LRRC4C: variants seen among roughly 807,000 people sequenced by gnomAD.
LRRC4C encodes the protein leucine-rich repeat-containing protein 4C.
Under a neutral mutation model 33.6 loss-of-function variants are expected in LRRC4C, and 5 were observed. The ratio of observed to expected loss-of-function variants is 0.15; its 90% confidence interval spans 0.08 to 0.31. The LOEUF (loss-of-function observed/expected upper bound fraction) is 0.31. Ranked by LOEUF, LRRC4C falls within the 10% of genes least tolerant of loss-of-function variation. The pLI is 1.00. For synonymous variants in LRRC4C, 329 were observed against 302.0 expected, an observed-to-expected ratio of 1.09 and a Z score of -0.93; for missense variants, 560 against 796.7, an observed-to-expected ratio of 0.70 and a Z score of 3.58.
At chr11:41,010,528 G>A (rs1855095017) in intron 1 of LRRC4C, among the ~76,000 whole-genome samples, 1 of 152,126 alleles carries the variant, frequency 6.6e-6, no homozygotes. Context: ...AAGTGGAGTT[G>A]ACTTGGCAAC....
At chr11:40,967,817 T>C (rs1483416098) in intron 1 of LRRC4C, among the ~76,000 whole-genome samples, 1 of 151,428 alleles carries the variant, frequency 6.6e-6, no homozygotes, top group Admixed American at 6.6e-5. Flanking sequence ...TTTTTGATAT[T>C]AAAATATTTT....
At chr11:40,805,107 G>A (rs1951189215) in intron 2 of LRRC4C, among the ~76,000 whole-genome samples, 1 of 152,132 alleles carries the variant, frequency 6.6e-6, no homozygotes, top group Non-Finnish European at 1.5e-5. Context: ...TGAAGCCTGA[G>A]CCTAAGCTGA....
At chr11:41,153,822 C>T (rs558187710) in intron 1 of LRRC4C, among the ~76,000 whole-genome samples, 78 of 152,156 alleles carry the variant, frequency 5.1e-4, no homozygotes, top group Middle Eastern at 3.4e-3. Context: ...AGGGTCTTCA[C>T]AGATGTGAGT....
At chr11:40,240,814 A>G (rs901431789) in intron 5 of LRRC4C, among the ~76,000 whole-genome samples, 1 of 152,094 alleles carries the variant, frequency 6.6e-6, no homozygotes, top group East Asian at 1.9e-4. Context: ...AATATATATT[A>G]TAGTTTCATT....
chr11:41,090,190 T>A (rs1247464660), intron 1 of LRRC4C, among the ~76,000 whole-genome samples: 1 of 152,060 alleles, frequency 6.6e-6, no homozygotes, highest in Admixed American at 6.6e-5. Context: ...AGAATGTGCA[T>A]AATATGAGTT....
intron 1 of LRRC4C, among the ~76,000 whole-genome samples, chr11:41,370,286 T>C (rs1016415721): frequency 6.6e-6 from 1 of 152,134 alleles, no homozygotes; most frequent in Non-Finnish European, 1.5e-5. Flanking sequence ...TGGGTTTAAG[T>C]GATCCTCCCA....
intron 1 of LRRC4C, among the ~76,000 whole-genome samples, chr11:41,418,299 T>C (rs1459594714): frequency 6.6e-6 from 1 of 151,976 alleles, no homozygotes; most frequent in East Asian, 1.9e-4. Context: ...AAATTAGCCA[T>C]TCACAAGAAA....
At chr11:40,701,500 C>T (rs562770178) in intron 2 of LRRC4C, among the ~76,000 whole-genome samples, 1 of 151,526 alleles carries the variant, frequency 6.6e-6, no homozygotes, top group East Asian at 1.9e-4. Flanking sequence ...TCTGAAAAGT[C>T]CGTACTTATG....
intron 2 of LRRC4C, among the ~76,000 whole-genome samples, chr11:40,865,090 G>A (rs1361748386): frequency 6.6e-6 from 1 of 152,118 alleles, no homozygotes; most frequent in Non-Finnish European, 1.5e-5. Context: ...TTTTCCACAT[G>A]CTAATTTCAT....
chr11:40,570,041 T>C (rs1213883612), intron 3 of LRRC4C, among the ~76,000 whole-genome samples: 1 of 151,860 alleles, frequency 6.6e-6, no homozygotes, highest in Non-Finnish European at 1.5e-5. Context: ...TATGTACATA[T>C]AAAATATGCA....
chr11:40,471,035 C>T (rs1220931769), intron 3 of LRRC4C, among the ~76,000 whole-genome samples: 1 of 152,094 alleles, frequency 6.6e-6, no homozygotes. Context: ...ATACAGAGAA[C>T]ACCACAAAGG....
At chr11:40,442,403 A>G (rs1403937937) in intron 3 of LRRC4C, among the ~76,000 whole-genome samples, 4 of 152,240 alleles carry the variant, frequency 2.6e-5, no homozygotes, top group South Asian at 2.1e-4. Context: ...TCAGGTACTA[A>G]AAAAGGCCCC....
intron 2 of LRRC4C, among the ~76,000 whole-genome samples, chr11:40,832,389 A>G (rs1392735147): frequency 6.6e-6 from 1 of 152,202 alleles, no homozygotes; most frequent in Non-Finnish European, 1.5e-5. Flanking sequence ...TTGCATTATA[A>G]TTAAACAAAT....
At chr11:40,511,681 G>A (rs1056357866) in intron 3 of LRRC4C, among the ~76,000 whole-genome samples, 2 of 152,122 alleles carry the variant, frequency 1.3e-5, no homozygotes, top group African/African-American at 4.8e-5. Context: ...GCACCAGCAG[G>A]GAATGCCACA....
chr11:41,426,172 G>A (rs1455163883), intron 1 of LRRC4C: 1 of 152,182 alleles, frequency 6.6e-6, no homozygotes, highest in Non-Finnish European at 1.5e-5. Context: ...CAGAATCCAG[G>A]CAGAACACAC....
At chr11:40,415,817 A>G (rs1255686083) in intron 3 of LRRC4C, among the ~76,000 whole-genome samples, 1 of 152,148 alleles carries the variant, frequency 6.6e-6, no homozygotes, top group Non-Finnish European at 1.5e-5. Flanking sequence ...GAGAGTGTGG[A>G]TAGAATGTGT....
At chr11:40,451,746 G>A (rs1951898364) in intron 3 of LRRC4C, among the ~76,000 whole-genome samples, 1 of 152,102 alleles carries the variant, frequency 6.6e-6, no homozygotes. Flanking sequence ...ATACTTAGAT[G>A]AAATGGACAA....
intron 3 of LRRC4C, among the ~76,000 whole-genome samples, chr11:40,620,058 G>A (rs1215179858): frequency 1.2e-4 from 16 of 133,642 alleles, no homozygotes; most frequent in Admixed American, 3.1e-4. Flanking sequence ...AAAAATACCT[G>A]AAAAAAAAAA....
At chr11:41,286,458 C>T (rs541297295) in intron 1 of LRRC4C, among the ~76,000 whole-genome samples, 1 of 152,130 alleles carries the variant, frequency 6.6e-6, no homozygotes, top group East Asian at 1.9e-4. Context: ...GCACAGAGAA[C>T]CAAGGAGAAG....
Sources: allele counts gnomAD v4.1 joint callset (sites outside exome capture counted in the v4.1 genomes callset), GRCh38; gene constraint gnomAD v4.1.1; transcripts MANE v1.5; gene names NCBI Gene and HGNC (gene_info 2026-07-23, HGNC 2026-07-21).